FHOD3: variants seen among roughly 807,000 people sequenced by gnomAD.
FHOD3 encodes the protein formin homology 2 domain containing 3.
FHOD3 carries 90 observed loss-of-function variants against 173.0 expected under a neutral mutation model. That is an observed-to-expected ratio of 0.52 (90% CI 0.44 to 0.62). The LOEUF is 0.62. Among genes scored for constraint, FHOD3 ranks in the 20% least tolerant of loss-of-function variants. FHOD3 has a pLI of 0.00. For synonymous variants in FHOD3, 828 were observed against 823.0 expected, an observed-to-expected ratio of 1.01 and a Z score of -0.10; for missense variants, 1,945 against 2,034.7, an observed-to-expected ratio of 0.96 and a Z score of 0.85.
At chr18:36,438,841 A>G (rs1398606726) in intron 3 of FHOD3, among the ~76,000 whole-genome samples, 3 of 152,074 alleles carry the variant, frequency 2.0e-5, no homozygotes, top group Non-Finnish European at 4.4e-5. Flanking sequence ...CACTCAGAAA[A>G]CCAGTTCTGA....
At position 36,755,154 on chromosome 18, in the gene FHOD3, C is replaced by A. The variant is rs199876947; in HGVS notation, c.4268C>A (p.Pro1423His). Residue 1423 changes from proline to histidine, a missense_variant, in exon 25 of 29, where the codon CCT (proline) becomes CAT (histidine). Pro to His is a moderately conservative substitution (Grantham distance 77). Transcript: ENST00000590592. ...HSFLLFMGHP[P>H]YAIREVNINK... ...TTTTTACTCTTTATGGGCCATCCAC[C>A]TTATGCAATTCGGGAAGTGAACATA... 3.7e-6 allele frequency: 6 copies of A among 1,610,974 alleles called. No homozygotes were observed. In the East Asian group the frequency reaches 1.1e-4, roughly 30 times the overall value.
At chr18:36,350,101 A>G (rs548240945) in intron 1 of FHOD3, among the ~76,000 whole-genome samples, 93 of 152,268 alleles carry the variant, frequency 6.1e-4, no homozygotes, top group Non-Finnish European at 8.5e-4. Context: ...TGACTGCACT[A>G]TCTTTGCTGG....
chr18:36,504,744 TAATA>T (rs2055213509), intron 4 of FHOD3, among the ~76,000 whole-genome samples: 1 of 150,082 alleles, frequency 6.7e-6, no homozygotes, highest in African/African-American at 2.5e-5. Flanking sequence ...ATAGTAATAA[TAATA>T]AAAGTAAATA....
chr18:36,769,011 G>C (rs1190104918), intron 27 of FHOD3, among the ~76,000 whole-genome samples: 2 of 152,156 alleles, frequency 1.3e-5, no homozygotes, highest in East Asian at 3.9e-4. Flanking sequence ...CTGTGTTACA[G>C]GGTGATATGA....
At chr18:36,642,906 C>CT (rs1311477104) in intron 10 of FHOD3, among the ~76,000 whole-genome samples, 5 of 149,354 alleles carry the variant, frequency 3.3e-5, no homozygotes, top group South Asian at 4.2e-4. Context: ...TTTTTTTTTA[C>CT]TTTTTTTTCT....
intron 1 of FHOD3, among the ~76,000 whole-genome samples, chr18:36,316,891 A>G (rs2044155810): frequency 6.9e-6 from 1 of 144,458 alleles, no homozygotes; most frequent in Non-Finnish European, 1.5e-5. Context: ...ACCCCCTGAC[A>G]GGCCCCAGTG....
chr18:36,426,026 T>C (rs914163037), intron 3 of FHOD3, among the ~76,000 whole-genome samples: 2 of 151,298 alleles, frequency 1.3e-5, no homozygotes, highest in Non-Finnish European at 2.9e-5. Context: ...TCAGCCTCCC[T>C]CCCCAGCAGC....
At chr18:36,603,537 T>C (rs2031679594) in intron 8 of FHOD3, among the ~76,000 whole-genome samples, 1 of 151,896 alleles carries the variant, frequency 6.6e-6, no homozygotes, top group African/African-American at 2.4e-5. Context: ...AGAGTCTCAC[T>C]CTGTTGCCCA....
chr18:36,414,249 A>G (rs1165266966), intron 3 of FHOD3, among the ~76,000 whole-genome samples: 2 of 152,210 alleles, frequency 1.3e-5, no homozygotes, highest in African/African-American at 4.8e-5. Flanking sequence ...GCTGCTCCTC[A>G]TGACAGCCTA....
In FHOD3 at chr18:36,630,708, A is replaced by T. The variant is rs117631989; in HGVS notation, c.1196+4959A>T. ...AGAAATGTTCAAGTGGAGCTGAGGA[A>T]TCTGCATTGAGAAGCAGCAGTGGGC... is the stretch of plus-strand genomic sequence containing the variant. On this transcript the variant is annotated intron_variant, in intron 10 of 28. Coordinates refer to ENST00000590592, the MANE Select transcript of FHOD3 (RefSeq NM_001281740.3). 2.4e-3 allele frequency among the ~76,000 whole-genome samples: 366 copies of T among 152,340 alleles called. 1 individual carries two copies. Among genetic ancestry groups the T allele is most frequent in the Admixed American group, 0.016 (244 of 15,304 alleles).
intron 5 of FHOD3, among the ~76,000 whole-genome samples, chr18:36,571,791 T>C (rs1448663531): frequency 6.6e-6 from 1 of 151,994 alleles, no homozygotes; most frequent in African/African-American, 2.4e-5. Context: ...GTTGGACCTA[T>C]GAAAAAAAAA....
At chr18:36,379,029 G>A (rs960564236) in intron 3 of FHOD3, among the ~76,000 whole-genome samples, 40 of 152,146 alleles carry the variant, frequency 2.6e-4, no homozygotes, top group African/African-American at 8.9e-4. Flanking sequence ...TCTGTCACAC[G>A]TCTTTCCACA....
Position 36,759,117 on chromosome 18 carries a change from G to C in FHOD3, c.4426-1G>C. The C allele has an allele frequency of 2.0e-6, 3 of 1,535,932 alleles. No individual in the cohort carries two copies. Among genetic ancestry groups the C allele is most frequent in the Non-Finnish European group, 2.6e-6 (3 of 1,146,728 alleles). On this transcript the variant is annotated splice_acceptor_variant, in intron 25 of 28. Coordinates refer to ENST00000590592, the MANE Select transcript of FHOD3 (RefSeq NM_001281740.3). LOFTEE classifies it high-confidence loss of function. ...CTGTCCTGTCCTGTCCTCTCGGGTA[G>C]ACTGATGAGGAGGAGGAAGTTGAGG...
chr18:36,734,100 G>C (rs2041512739), intron 20 of FHOD3, among the ~76,000 whole-genome samples: 1 of 152,164 alleles, frequency 6.6e-6, no homozygotes, highest in Non-Finnish European at 1.5e-5. Context: ...TGCTACCCAG[G>C]AGTAGCTGAC....
At chr18:36,369,098 A>G (rs924683568) in intron 2 of FHOD3, among the ~76,000 whole-genome samples, 1 of 152,200 alleles carries the variant, frequency 6.6e-6, no homozygotes, top group African/African-American at 2.4e-5. Flanking sequence ...CGAAACTGAC[A>G]TAGTGTCCCA....
At position 36,378,617 on chromosome 18, in the gene FHOD3, A is replaced by G. The variant is rs976951273; in HGVS notation, c.337+5873A>G. 2.1e-3 allele frequency among the ~76,000 whole-genome samples: 290 copies of G among 136,640 alleles called. 1 individual carries two copies. The highest frequency in any genetic ancestry group is 7.2e-3 in the African/African-American group (272 of 37,546). 89.6% of individuals were successfully genotyped at this position (136,640 alleles called of 152,430 possible). A position where few individuals can be genotyped will look rare whatever the true frequency, so the allele number is the denominator to read the frequency against. ...GCCACAAAAAAAAAAAAAAAAAAAG[A>G]GAGATGGGAAGGATGTAAAACATAC... On this transcript the variant is annotated intron_variant, in intron 3 of 28. Transcript: ENST00000590592.
At chr18:36,779,242 A>G (rs1423324503) in intron 28 of FHOD3, 2 of 575,682 alleles carry the variant, frequency 3.5e-6, no homozygotes, top group Non-Finnish European at 3.1e-6. Context: ...TTGTTAGGCC[A>G]GCCTGTGTAG....
At chr18:36,512,390 G>A in intron 4 of FHOD3, 48 bp from the exon 5 acceptor site, 1 of 1,387,440 alleles carries the variant, frequency 7.2e-7, no homozygotes, top group Non-Finnish European at 1.0e-6. Context: ...TGGGATGGAA[G>A]GTGGACAGGG....
rs780289040 is a variant in FHOD3, at chr18:36,659,395, T to C, written c.1835+1207T>C. Among the ~76,000 whole-genome samples, 9 of 152,220 alleles carry C rather than the reference T, an allele frequency of 5.9e-5. 1 individual carries two copies. The South Asian group carries it at 1.9e-3, about 32-fold the overall frequency. On this transcript the variant is annotated intron_variant, in intron 14 of 28. Coordinates refer to ENST00000590592, the MANE Select transcript of FHOD3 (RefSeq NM_001281740.3). ...CGAAGACACCATTACCTGTCTGTAG[T>C]TCTGTCCTTTACCCTAGGGCACCTC...
Sources: allele counts gnomAD v4.1 joint callset (sites outside exome capture counted in the v4.1 genomes callset), GRCh38; gene constraint gnomAD v4.1.1; transcripts MANE v1.5; gene names NCBI Gene and HGNC (gene_info 2026-07-23, HGNC 2026-07-21).